The following RERE variants were observed in gnomAD, a reference collection of about 807,000 sequenced individuals.
The protein encoded by RERE is arginine-glutamic acid dipeptide repeats protein.
A neutral mutation model predicts 146.1 loss-of-function variants in RERE; 40 were observed. The observed-to-expected ratio is 0.27, with a 90% confidence interval of 0.21 to 0.36. The LOEUF (loss-of-function observed/expected upper bound fraction) is 0.36, where lower values mean the gene tolerates loss of function less well. RERE is among the 10% of genes least tolerant of loss of function. RERE has a pLI of 1.00. For synonymous variants in RERE, 1,003 were observed against 866.0 expected, an observed-to-expected ratio of 1.16 and a Z score of -2.78; for missense variants, 1,933 against 2,138.7, an observed-to-expected ratio of 0.90 and a Z score of 1.90.
At chr1:8,458,085 C>G (rs1459186674) in intron 11 of RERE, among the ~76,000 whole-genome samples, 1 of 152,098 alleles carries the variant, frequency 6.6e-6, no homozygotes, top group Non-Finnish European at 1.5e-5. Flanking sequence ...TGTCACTATA[C>G]GTAGAATGTT....
intron 4 of RERE, among the ~76,000 whole-genome samples, chr1:8,612,138 A>C (rs1646800569): frequency 6.6e-6 from 1 of 152,278 alleles, no homozygotes; most frequent in African/African-American, 2.4e-5. Context: ...TGATGCAATC[A>C]ATGCTATCCT....
intron 1 of RERE, among the ~76,000 whole-genome samples, chr1:8,775,159 C>T (rs1221181425): frequency 6.6e-6 from 1 of 151,850 alleles, no homozygotes; most frequent in Non-Finnish European, 1.5e-5. Context: ...CGGGGTTTCA[C>T]CATGTTGGCC....
intron 1 of RERE, among the ~76,000 whole-genome samples, chr1:8,800,564 TC>T (rs1641568643): frequency 6.6e-6 from 1 of 152,118 alleles, no homozygotes; most frequent in Admixed American, 6.6e-5. Flanking sequence ...ACACCTGTAG[TC>T]CCAGCTACTC....
chr1:8,647,638 T>G (rs1381897092), intron 2 of RERE, among the ~76,000 whole-genome samples: 7 of 69,382 alleles, frequency 1.0e-4, no homozygotes, highest in Admixed American at 9.2e-4. Context: ...ATTTAAAATA[T>G]GTATGTGTGT....
At chr1:8,446,437 G>C (rs1644320847) in intron 11 of RERE, among the ~76,000 whole-genome samples, 1 of 152,062 alleles carries the variant, frequency 6.6e-6, no homozygotes, top group Admixed American at 6.6e-5. Context: ...TTTCAACCTT[G>C]GTGAATCTGA....
chr1:8,393,361 C>T (rs932476477), intron 12 of RERE, among the ~76,000 whole-genome samples: 1 of 152,228 alleles, frequency 6.6e-6, no homozygotes, highest in Admixed American at 6.5e-5. Flanking sequence ...TGACTGGGGG[C>T]CCAAAGCCAG....
intron 7 of RERE, among the ~76,000 whole-genome samples, chr1:8,524,313 C>T (rs1257096490): frequency 6.6e-6 from 1 of 152,156 alleles, no homozygotes. Flanking sequence ...TAGTTGCAAT[C>T]CCAAAATTGA....
intron 11 of RERE, chr1:8,429,882 A>G (rs1644072025): frequency 6.6e-6 from 1 of 152,494 alleles, no homozygotes. Flanking sequence ...CCCCGAGGAG[A>G]CACACAGGCA....
intron 20 of RERE, 143 bp downstream of exon 20, chr1:8,358,053 A>T (rs1358972802): frequency 7.1e-7 from 1 of 1,408,402 alleles, no homozygotes. Flanking sequence ...ACGGTAGTGG[A>T]TGCTGAGCTC....
chr1:8,474,231 T>C (rs888453281), intron 10 of RERE, among the ~76,000 whole-genome samples: 4 of 152,232 alleles, frequency 2.6e-5, no homozygotes, highest in Non-Finnish European at 4.4e-5. Context: ...TTAAATTATA[T>C]CCTTCCTCAA....
chr1:8,696,681 G>A (rs185411353), intron 1 of RERE, among the ~76,000 whole-genome samples: 2 of 152,048 alleles, frequency 1.3e-5, no homozygotes, highest in East Asian at 1.9e-4. Flanking sequence ...AGGCTGAGGC[G>A]AGTGGATTAC....
chr1:8,445,505 ATTTT>A (rs1238943553), intron 11 of RERE, among the ~76,000 whole-genome samples: 3 of 151,804 alleles, frequency 2.0e-5, no homozygotes, highest in African/African-American at 7.3e-5. Context: ...TTTTTTACTT[ATTTT>A]ATTTTTCAGC....
chr1:8,520,925 G>A (rs1256094906), intron 7 of RERE, among the ~76,000 whole-genome samples: 1 of 151,840 alleles, frequency 6.6e-6, no homozygotes. Flanking sequence ...AAGGGACTTT[G>A]GACCAAGCAA....
chr1:8,534,693 A>G (rs1013912548), intron 7 of RERE, among the ~76,000 whole-genome samples: 1 of 72,242 alleles, frequency 1.4e-5, no homozygotes, highest in Non-Finnish European at 3.0e-5. Flanking sequence ...GAATAAATCG[A>G]AAGTTTGATG....
chr1:8,389,420 CT>C (rs1385166393), intron 12 of RERE, among the ~76,000 whole-genome samples: 2 of 152,240 alleles, frequency 1.3e-5, no homozygotes, highest in African/African-American at 4.8e-5. Context: ...TCAGAAACCT[CT>C]GTGCCACCCC....
At chr1:8,359,577 T>C (rs1197866979) in intron 19 of RERE, among the ~76,000 whole-genome samples, 187 bp downstream of exon 19, 1 of 152,178 alleles carries the variant, frequency 6.6e-6, no homozygotes, top group Non-Finnish European at 1.5e-5. Context: ...CATGCGCAGT[T>C]ACCCCGGCAG....
At chr1:8,398,052 G>A (rs1643114688) in intron 12 of RERE, among the ~76,000 whole-genome samples, 1 of 152,212 alleles carries the variant, frequency 6.6e-6, no homozygotes. Flanking sequence ...CCTAAGAGAG[G>A]CATGATGTTC....
At position 8,364,759 on chromosome 1, in the gene RERE, G is replaced by C; in HGVS notation, c.1527C>G (p.His509Gln). 1 of 1,613,760 alleles carries C rather than the reference G, an allele frequency of 6.2e-7. No individual in the cohort carries two copies. The highest frequency in any genetic ancestry group is 1.3e-5 in the African/African-American group (1 of 75,036). ...EQELKGYACR[H>Q]CFTTTSKDWH... Reference sequence around the variant, plus strand: ...GAGGCCACTTACTGGTGGTGAAGCAGTGGCGGCAGGCGTACCCCTTCAGCT... The same window carrying C: ...GAGGCCACTTACTGGTGGTGAAGCACTGGCGGCAGGCGTACCCCTTCAGCT... Residue 509 changes from histidine (H) to glutamine (Q), a missense_variant, in exon 14 of 23, where the codon CAC becomes CAG. Physicochemically the swap from His to Gln is conservative, Grantham distance 24 (BLOSUM62 0). Coordinates refer to ENST00000400908, the MANE Select transcript of RERE (RefSeq NM_001042681.2). The surrounding 1 kb of genome is among the most constrained non-coding windows in gnomAD (Gnocchi z 5.1).
At chr1:8,357,129 G>C (rs536459620) in intron 20 of RERE, among the ~76,000 whole-genome samples, 5 of 152,296 alleles carry the variant, frequency 3.3e-5, no homozygotes, top group African/African-American at 1.2e-4. Context: ...CGTGGCACAC[G>C]TCTTTCAACT....
Sources: gnomAD v4.1 joint callset for allele counts (sites outside exome capture counted in the v4.1 genomes callset) on GRCh38, gnomAD v4.1.1 for gene constraint, Gnocchi (gnomAD v3.1) non-coding constraint, MANE v1.5 for transcripts, NCBI Gene and HGNC (gene_info 2026-07-23, HGNC 2026-07-21) for gene names.